The following TCF4 variants were observed in gnomAD, a reference collection of about 807,000 sequenced individuals.
The protein encoded by TCF4 is transcription factor 4.
In TCF4, 3 loss-of-function variants were observed where a neutral mutation model predicts 82.1. The observed-to-expected ratio is 0.04, with a 90% CI of 0.02 to 0.09. TCF4 has a LOEUF of 0.09. Among genes scored for constraint, TCF4 ranks in the 10% least tolerant of loss-of-function variants. TCF4 has a pLI of 1.00. For synonymous variants in TCF4, 276 were observed against 309.6 expected, an observed-to-expected ratio of 0.89 and a Z score of 1.14; for missense variants, 518 against 852.7, an observed-to-expected ratio of 0.61 and a Z score of 4.89.
intron 6 of TCF4, among the ~76,000 whole-genome samples, chr18:55,385,676 T>C (rs905552163): frequency 2.0e-5 from 3 of 152,204 alleles, no homozygotes; most frequent in African/African-American, 7.2e-5. Context: ...TCTAGGATTA[T>C]AGGCATGAGC....
intron 11 of TCF4, chr18:55,265,609 C>T (rs1258190763): frequency 6.6e-6 from 1 of 152,126 alleles, no homozygotes; most frequent in African/African-American, 2.4e-5. Context: ...TACTCTTATG[C>T]TCTGTGCTTG....
intron 8 of TCF4, among the ~76,000 whole-genome samples, chr18:55,343,061 T>G (rs558955618): frequency 4.6e-5 from 7 of 152,246 alleles, no homozygotes; most frequent in African/African-American, 1.7e-4. Flanking sequence ...AAAATAATTG[T>G]TCCAAAGTAG....
At chr18:55,505,617 A>C (rs2096747881) in intron 3 of TCF4, among the ~76,000 whole-genome samples, 1 of 151,774 alleles carries the variant, frequency 6.6e-6, no homozygotes, top group Non-Finnish European at 1.5e-5. Context: ...ATCCCGGCTA[A>C]AACGGTGAAA....
chr18:55,542,933 T>C (rs1482559393), intron 3 of TCF4, among the ~76,000 whole-genome samples: 1 of 152,080 alleles, frequency 6.6e-6, no homozygotes, highest in Non-Finnish European at 1.5e-5. Flanking sequence ...TGTCTGTTGA[T>C]GATATGGAAA....
intron 2 of TCF4, among the ~76,000 whole-genome samples, chr18:55,597,312 G>GA (rs1474985793): frequency 6.6e-6 from 1 of 152,186 alleles, no homozygotes; most frequent in Non-Finnish European, 1.5e-5. Flanking sequence ...ATGGAGAGGA[G>GA]AAAAGAAAGC....
chr18:55,403,697 G>GA (rs1414957960), intron 5 of TCF4, 179 bp from the exon 6 acceptor site: 1 of 1,546,840 alleles, frequency 6.5e-7, no homozygotes, highest in East Asian at 2.4e-5. Flanking sequence ...TGATAAACTG[G>GA]AAAAAAATAT....
chr18:55,433,048 A>G (rs1390141506), intron 5 of TCF4, among the ~76,000 whole-genome samples: 1 of 152,252 alleles, frequency 6.6e-6, no homozygotes, highest in Non-Finnish European at 1.5e-5. Flanking sequence ...AAAAAAGTGC[A>G]GTAGTGAATT....
At chr18:55,421,152 A>G (rs1054781426) in intron 5 of TCF4, among the ~76,000 whole-genome samples, 2 of 152,100 alleles carry the variant, frequency 1.3e-5, no homozygotes, top group African/African-American at 4.8e-5. Context: ...AGGAGAGAGG[A>G]CAGAGCCACC....
chr18:55,465,124 C>T (rs1176261948), intron 3 of TCF4, among the ~76,000 whole-genome samples: 1 of 152,140 alleles, frequency 6.6e-6, no homozygotes, highest in East Asian at 1.9e-4. Flanking sequence ...CGGCTGATAA[C>T]AGACGGCCAT....
chr18:55,326,858 G>A (rs1205464525), intron 8 of TCF4, among the ~76,000 whole-genome samples: 3 of 152,132 alleles, frequency 2.0e-5, no homozygotes, highest in South Asian at 4.1e-4. Context: ...ATAAAAAATT[G>A]TAATAAATGG....
chr18:55,541,851 T>C (rs138642554), intron 3 of TCF4, among the ~76,000 whole-genome samples: 21 of 152,098 alleles, frequency 1.4e-4, no homozygotes, highest in Middle Eastern at 6.8e-3. Flanking sequence ...TACGACGTTA[T>C]TTAACACAGT....
chr18:55,390,782 T>G (rs1395699460), intron 6 of TCF4, among the ~76,000 whole-genome samples: 2 of 152,198 alleles, frequency 1.3e-5, no homozygotes, highest in African/African-American at 2.4e-5. Context: ...GTCCAAAAAC[T>G]GATAGGGTGT....
intron 3 of TCF4, among the ~76,000 whole-genome samples, chr18:55,515,155 G>T (rs1339130445): frequency 1.3e-5 from 2 of 152,130 alleles, no homozygotes; most frequent in Admixed American, 6.5e-5. Flanking sequence ...TTAATGTAAA[G>T]ATGGAGAAAC....
chr18:55,472,599 A>G (rs2096208992), intron 3 of TCF4, among the ~76,000 whole-genome samples: 1 of 152,212 alleles, frequency 6.6e-6, no homozygotes, highest in African/African-American at 2.4e-5. Context: ...TGAACTATAT[A>G]TACCTTCTTT....
intron 15 of TCF4, among the ~76,000 whole-genome samples, chr18:55,252,377 T>TGC (rs2055493280): frequency 6.6e-6 from 1 of 151,996 alleles, no homozygotes; most frequent in African/African-American, 2.4e-5. Context: ...TGTGTGTGTG[T>TGC]GTGTATATCA....
intron 18 of TCF4, among the ~76,000 whole-genome samples, chr18:55,228,584 A>C (rs1407603517): frequency 6.6e-6 from 1 of 152,250 alleles, no homozygotes. Flanking sequence ...AGGTTGGTAA[A>C]GCAAATAAAC....
intron 5 of TCF4, among the ~76,000 whole-genome samples, chr18:55,453,226 C>T (rs572508292): frequency 4.3e-4 from 26 of 60,362 alleles, no homozygotes; most frequent in Middle Eastern, 8.3e-3. Context: ...CTGAACTTGA[C>T]ACAAGAAGCT....
intron 10 of TCF4, among the ~76,000 whole-genome samples, chr18:55,273,880 A>G (rs1417401952): frequency 6.6e-6 from 1 of 152,156 alleles, no homozygotes; most frequent in African/African-American, 2.4e-5. Context: ...TGTGCATGGA[A>G]GCACATTTTA....
At chr18:55,312,422 T>C (rs1367491542) in intron 8 of TCF4, among the ~76,000 whole-genome samples, 2 of 152,200 alleles carry the variant, frequency 1.3e-5, no homozygotes, top group African/African-American at 4.8e-5. Flanking sequence ...CATCTGTTTT[T>C]CCTTTTTCGT....
Sources: allele counts gnomAD v4.1 joint callset (sites outside exome capture counted in the v4.1 genomes callset), GRCh38; gene constraint gnomAD v4.1.1; transcripts MANE v1.5; gene names NCBI Gene and HGNC (gene_info 2026-07-23, HGNC 2026-07-21).